The following FAM174B variants were observed in gnomAD, a reference collection of about 807,000 sequenced individuals.
The protein encoded by FAM174B is membrane protein FAM174B.
A neutral mutation model predicts 10.9 loss-of-function variants in FAM174B; 12 were observed. That is an observed-to-expected ratio of 1.10 (90% CI 0.71 to 1.79). The LOEUF (loss-of-function observed/expected upper bound fraction) is 1.79. Among genes scored for constraint, FAM174B ranks in the 40% most tolerant of loss-of-function variants. The probability of loss-of-function intolerance (pLI) is 0.00; values close to 1 mark genes in which losing one functional copy is unlikely to be tolerated. For synonymous variants in FAM174B, 132 were observed against 115.8 expected (o/e 1.14, Z -0.90); for missense variants, 266 against 233.3 (o/e 1.14, Z -0.91).
At chr15:92,632,299 C>T (rs915950879) in intron 1 of FAM174B, among the ~76,000 whole-genome samples, 2 of 152,200 alleles carry the variant, frequency 1.3e-5, no homozygotes, top group Non-Finnish European at 2.9e-5. Flanking sequence ...AATCCTAGCA[C>T]TTTGGGAGGC....
intron 1 of FAM174B, among the ~76,000 whole-genome samples, chr15:92,637,105 G>A (rs920040593): frequency 6.6e-6 from 1 of 152,192 alleles, no homozygotes; most frequent in Non-Finnish European, 1.5e-5. Context: ...AGGAGTGGAC[G>A]TGAGCCTGGA....
chr15:92,655,341 C>A lies in FAM174B; in HGVS notation c.319G>T (p.Ala107Ser). The A allele has an allele frequency of 6.3e-7, 1 of 1,575,854 alleles. No homozygotes were observed. The highest frequency in any genetic ancestry group is 8.6e-7 in the Non-Finnish European group (1 of 1,161,328). ...CTGAAGACGCGCAGCAGCAGGCAGG[C>A]GATGAGGAGGGTGGTAAAGGCGAAC... ...VAFAFTTLLI[A>S]CLLLRVFRSG... The change falls in exon 1 of 3, where the codon GCC becomes TCC. Residue 107 changes from alanine (A) to serine (S), a missense_variant. Ala to Ser is a moderately conservative substitution (Grantham distance 99, BLOSUM62 1). Coordinates refer to ENST00000327355, the MANE Select transcript of FAM174B (RefSeq NM_207446.3).
intron 1 of FAM174B, among the ~76,000 whole-genome samples, chr15:92,652,326 A>G (rs2050971788): frequency 1.3e-5 from 2 of 152,228 alleles, no homozygotes; most frequent in African/African-American, 4.8e-5. Flanking sequence ...GAGGTCAAAC[A>G]GCACCGAACT....
chr15:92,629,402 A>G (rs1006023633), intron 2 of FAM174B, among the ~76,000 whole-genome samples: 2 of 152,146 alleles, frequency 1.3e-5, no homozygotes, highest in African/African-American at 4.8e-5. Flanking sequence ...TAAGAAACAC[A>G]CCTGCCTGTG....
At chr15:92,629,495 G>A (rs947699364) in intron 2 of FAM174B, among the ~76,000 whole-genome samples, 1 of 152,214 alleles carries the variant, frequency 6.6e-6, no homozygotes, top group African/African-American at 2.4e-5. Context: ...AAGCGAGGCT[G>A]AAAGAGAAGT....
At chr15:92,652,788 C>A (rs1312871103) in intron 1 of FAM174B, among the ~76,000 whole-genome samples, 3 of 152,026 alleles carry the variant, frequency 2.0e-5, no homozygotes, top group South Asian at 2.1e-4. Context: ...ACTCGGTGCC[C>A]GCAGGCTAAG....
At position 92,630,214 on chromosome 15, in the gene FAM174B, C is replaced by A. The variant is rs755837897; in HGVS notation, c.476G>T (p.Arg159Met). The A allele has an allele frequency of 1.9e-6, 3 of 1,613,734 alleles. No homozygotes were observed. The change falls in exon 2 of 3, where the codon AGG (arginine) becomes ATG (methionine). Residue 159 changes from arginine to methionine, a missense_variant and splice_region_variant. Physicochemically the swap from Arg to Met is moderately conservative, Grantham distance 91 (BLOSUM62 -1). Transcript: ENST00000327355. ...GGAAGCCTCTGTCTCCACCCTGTAC[C>A]TGTATTTGATGTCGAATACTGTGGA... ...EDSTVFDIKY[R>M]
intron 2 of FAM174B, among the ~76,000 whole-genome samples, chr15:92,623,417 C>T (rs2050732702): frequency 1.3e-5 from 2 of 152,110 alleles, no homozygotes; most frequent in Admixed American, 6.6e-5. Context: ...CAATGCTGAC[C>T]ACCACCCCCA....
In FAM174B at chr15:92,655,772, G is replaced by A. The variant is rs2051002063; in HGVS notation, c.-113C>T. ...CCTGCGGCGGAGGCGGCTGCGCGGT[G>A]CTTGGCAGGAAGCTGCGGCGCCCGG... is the stretch of plus-strand genomic sequence containing the variant. On this transcript the variant is annotated 5_prime_UTR_variant, in exon 1 of 3. Coordinates refer to ENST00000327355, the MANE Select transcript of FAM174B (RefSeq NM_207446.3). 5 of 986,178 alleles carry A rather than the reference G, an allele frequency of 5.1e-6. No homozygotes were observed. The highest frequency in any genetic ancestry group is 6.4e-6 in the Non-Finnish European group (5 of 782,468). 61.1% of individuals were successfully genotyped at this position (986,178 alleles called of 1,614,324 possible).
intron 1 of FAM174B, among the ~76,000 whole-genome samples, chr15:92,651,788 T>G (rs1327825990): frequency 6.6e-6 from 1 of 152,266 alleles, no homozygotes; most frequent in African/African-American, 2.4e-5. Flanking sequence ...AAGCAAAGAA[T>G]ATATAGTGCA....
chr15:92,628,428 C>T (rs948552407), intron 2 of FAM174B, among the ~76,000 whole-genome samples: 5 of 148,648 alleles, frequency 3.4e-5, no homozygotes, highest in African/African-American at 1.2e-4. Context: ...GATCTGCACT[C>T]CTCGGCCTCT....
At chr15:92,651,066 C>T (rs903788946) in intron 1 of FAM174B, among the ~76,000 whole-genome samples, 1 of 152,206 alleles carries the variant, frequency 6.6e-6, no homozygotes, top group African/African-American at 2.4e-5. Flanking sequence ...GAGACAGAGG[C>T]TCAACTATGG....
At chr15:92,622,366 A>C (rs8027029) in intron 2 of FAM174B, among the ~76,000 whole-genome samples, 1 of 152,116 alleles carries the variant, frequency 6.6e-6, no homozygotes, top group South Asian at 2.1e-4. Context: ...CCTGGACACC[A>C]GCTCTCTGGG....
chr15:92,655,575 C>G lies in FAM174B; in HGVS notation c.85G>C (p.Ala29Pro), dbSNP rs901422004. 1 of 1,343,264 alleles carries G rather than the reference C, an allele frequency of 7.4e-7. No homozygotes were observed. The highest frequency in any genetic ancestry group is 1.5e-5 in the African/African-American group (1 of 65,008). 83.2% of individuals were successfully genotyped at this position (1,343,264 alleles called of 1,614,324 possible). A position where few individuals can be genotyped will look rare whatever the true frequency, so the allele number is the denominator to read the frequency against. Residue 29 changes from alanine (A) to proline (P), a missense_variant, in exon 1 of 3, where the codon GCC becomes CCC. Transcript: ENST00000327355. ...GGCCACGGCGCGGAGACGGACTCGG[C>G]TCTGCTGGCGCGGGCGGCGGGAGCG... ...LAAPAARASRAESVSAPWPEP... is the reference protein window; with the variant it reads ...LAAPAARASRPESVSAPWPEP...
At chr15:92,620,814 C>CAAAAAAAAA (rs34607670) in intron 2 of FAM174B, among the ~76,000 whole-genome samples, 1 of 71,376 alleles carries the variant, frequency 1.4e-5, no homozygotes, top group African/African-American at 5.9e-5. Flanking sequence ...GACTCTGTCT[C>CAAAAAAAAA]AAAAAAAAAA....
chr15:92,635,899 G>A (rs2050852877), intron 1 of FAM174B, among the ~76,000 whole-genome samples: 1 of 152,112 alleles, frequency 6.6e-6, no homozygotes, highest in African/African-American at 2.4e-5. Flanking sequence ...AAATTAAAAG[G>A]AGAATTCTTC....
At chr15:92,632,173 T>C (rs1341373554) in intron 1 of FAM174B, among the ~76,000 whole-genome samples, 1 of 152,354 alleles carries the variant, frequency 6.6e-6, no homozygotes, top group East Asian at 1.9e-4. Flanking sequence ...TTTGTTTCCA[T>C]CATGAGGATT....
intron 1 of FAM174B, among the ~76,000 whole-genome samples, chr15:92,635,452 G>T (rs993219456): frequency 6.6e-6 from 1 of 152,160 alleles, no homozygotes; most frequent in African/African-American, 2.4e-5. Context: ...CAGCTGTGGT[G>T]CACCGGCTGT....
At chr15:92,635,082 ATTCC>A (rs2050844662) in intron 1 of FAM174B, among the ~76,000 whole-genome samples, 1 of 150,850 alleles carries the variant, frequency 6.6e-6, no homozygotes, top group Non-Finnish European at 1.5e-5. Flanking sequence ...ACATCAGCTG[ATTCC>A]TTACGATAAG....
Sources: gnomAD v4.1 joint callset for allele counts (sites outside exome capture counted in the v4.1 genomes callset) on GRCh38, gnomAD v4.1.1 for gene constraint, MANE v1.5 for transcripts, NCBI Gene and HGNC (gene_info 2026-07-23, HGNC 2026-07-21) for gene names.